The following SCFD2 variants were observed in gnomAD, a reference collection of about 807,000 sequenced individuals.
The protein encoded by SCFD2 is sec1 family domain-containing protein 2.
SCFD2 carries 54 observed loss-of-function variants against 58.9 expected under a neutral mutation model. That is an observed-to-expected ratio of 0.92 (90% CI 0.74 to 1.15). The LOEUF is 1.15. SCFD2 is among the 50% of genes most tolerant of loss of function. SCFD2 has a pLI of 0.00. For missense variants in SCFD2, 805 were observed against 836.6 expected (o/e 0.96, Z 0.47); for synonymous variants, 321 against 335.9 (o/e 0.96, Z 0.49).
intron 2 of SCFD2, among the ~76,000 whole-genome samples, chr4:53,348,383 G>C (rs1236684984): frequency 1.3e-5 from 2 of 152,070 alleles, no homozygotes; most frequent in African/African-American, 2.4e-5. Flanking sequence ...TCATTTCATT[G>C]AGAAGTTTCT....
chr4:53,112,084 G>A (rs181274933), intron 5 of SCFD2, among the ~76,000 whole-genome samples: 11 of 152,160 alleles, frequency 7.2e-5, no homozygotes, highest in Admixed American at 5.9e-4. Context: ...GAGCTAGGCC[G>A]GGAATTTTTA....
chr4:53,066,625 T>G (rs1241875969), intron 5 of SCFD2, among the ~76,000 whole-genome samples: 1 of 152,106 alleles, frequency 6.6e-6, no homozygotes, highest in Non-Finnish European at 1.5e-5. Context: ...TGAAGGCTTT[T>G]TTTAGTGATC....
chr4:53,216,919 G>A (rs1728861410), intron 4 of SCFD2, among the ~76,000 whole-genome samples: 1 of 152,192 alleles, frequency 6.6e-6, no homozygotes, highest in African/African-American at 2.4e-5. Context: ...TAGTCATTCA[G>A]GAGCAGGTTA....
intron 5 of SCFD2, among the ~76,000 whole-genome samples, chr4:52,930,646 C>T (rs1172155214): frequency 6.6e-6 from 1 of 152,116 alleles, no homozygotes; most frequent in Non-Finnish European, 1.5e-5. Flanking sequence ...CTTCTGACTG[C>T]CGTAACTGTA....
chr4:53,363,826 C>CAAAAAA (rs754101699), intron 1 of SCFD2, among the ~76,000 whole-genome samples: 2 of 107,222 alleles, frequency 1.9e-5, no homozygotes, highest in Non-Finnish European at 1.8e-5. Context: ...GACTCCGTCT[C>CAAAAAA]AAAAAAAAAA....
In SCFD2 at chr4:53,217,164, A is replaced by G. The variant is rs1356671397; in HGVS notation, c.1311+56662T>C. On this transcript the variant is annotated intron_variant, in intron 4 of 8. Coordinates refer to ENST00000401642, the MANE Select transcript of SCFD2 (RefSeq NM_152540.4). The stretch of plus-strand genomic sequence containing the variant: ...AGTTCTGTAGATTTCTATTAGGTCC[A>G]CTTGGTGCAGAGCTGAGTTCAATTC... Among the ~76,000 whole-genome samples the G allele has an allele frequency of 2.0e-5, 3 of 152,100 alleles. No homozygotes were observed. The South Asian group carries it at 6.2e-4, about 32-fold the overall frequency.
At position 53,365,473 on chromosome 4, in the gene SCFD2, G is replaced by C. The variant is rs144687608; in HGVS notation, c.469C>G (p.Pro157Ala). 6.2e-7 allele frequency: 1 copy of C among 1,614,006 alleles called. No individual in the cohort carries two copies. The highest frequency in any genetic ancestry group is 1.3e-5 in the African/African-American group (1 of 74,888). ...MNYTAEVFHV[P>A]LLLAPVAPHF... ...GGAGCAACAGGGGCAAGCAATAACG[G>C]GACATGGAACACCTCGGCCGTGTAG... Residue 157 changes from proline (P) to alanine (A), a missense_variant, in exon 1 of 9, where the codon CCG (proline) becomes GCG (alanine). By Grantham distance (27) the Pro-to-Ala change is conservative. Coordinates refer to ENST00000401642, the MANE Select transcript of SCFD2 (RefSeq NM_152540.4). The surrounding 1 kb of genome is among the most constrained non-coding windows in gnomAD (Gnocchi z 4.3).
At chr4:53,162,194 T>C (rs1288982745) in intron 4 of SCFD2, among the ~76,000 whole-genome samples, 1 of 152,080 alleles carries the variant, frequency 6.6e-6, no homozygotes, top group Non-Finnish European at 1.5e-5. Context: ...TAAGCAACAA[T>C]TTTGCAACTC....
chr4:53,176,086 GA>G (rs1727319164), intron 4 of SCFD2, among the ~76,000 whole-genome samples: 1 of 151,896 alleles, frequency 6.6e-6, no homozygotes, highest in South Asian at 2.1e-4. Context: ...TCATTCAATT[GA>G]GAAAGTGTTC....
At chr4:53,283,255 T>C (rs1259127621) in intron 3 of SCFD2, among the ~76,000 whole-genome samples, 2 of 152,218 alleles carry the variant, frequency 1.3e-5, no homozygotes, top group Admixed American at 6.5e-5. Flanking sequence ...ATCCTACATA[T>C]GCATTTTTTC....
Position 53,068,514 on chromosome 4 carries a change from T to C in SCFD2, c.1561+76819A>G, listed in dbSNP as rs556504254. ...ACTCAAAGGTAACTACAAAAATGTG[T>C]TGGTGCATACCTTTCAATACTTTTT... On this transcript the variant is annotated intron_variant, in intron 5 of 8. Coordinates refer to ENST00000401642, the MANE Select transcript of SCFD2 (RefSeq NM_152540.4). Among the ~76,000 whole-genome samples, 21 of 152,192 alleles carry C rather than the reference T, an allele frequency of 1.4e-4. No individual in the cohort carries two copies. In the East Asian group the frequency reaches 3.3e-3, roughly 24 times the overall value.
intron 5 of SCFD2, among the ~76,000 whole-genome samples, chr4:52,947,345 C>CT (rs1720457414): frequency 6.6e-6 from 1 of 152,122 alleles, no homozygotes; most frequent in African/African-American, 2.4e-5. Context: ...ACTCAGGTTC[C>CT]ATCAGGCATT....
At chr4:53,171,971 A>T (rs925023084) in intron 4 of SCFD2, among the ~76,000 whole-genome samples, 10 of 148,650 alleles carry the variant, frequency 6.7e-5, no homozygotes, top group African/African-American at 2.5e-4. Flanking sequence ...TTATTTATTT[A>T]TTTATTTTTA....
At chr4:53,053,987 T>C (rs1723255172) in intron 5 of SCFD2, among the ~76,000 whole-genome samples, 1 of 152,138 alleles carries the variant, frequency 6.6e-6, no homozygotes, top group South Asian at 2.1e-4. Flanking sequence ...CAGTAGAGTA[T>C]AATAAACTAT....
chr4:52,904,290 G>T (rs552922024), intron 7 of SCFD2, among the ~76,000 whole-genome samples: 99 of 152,310 alleles, frequency 6.5e-4, no homozygotes, highest in African/African-American at 2.3e-3. Flanking sequence ...GAAGGATTCC[G>T]CATTGATAAC....
At chr4:53,034,087 C>T (rs1722694609) in intron 5 of SCFD2, among the ~76,000 whole-genome samples, 1 of 152,168 alleles carries the variant, frequency 6.6e-6, no homozygotes, top group African/African-American at 2.4e-5. Flanking sequence ...AAACTAAACC[C>T]AGCAGCACAT....
At chr4:53,079,060 A>G (rs995512145) in intron 5 of SCFD2, among the ~76,000 whole-genome samples, 4 of 152,140 alleles carry the variant, frequency 2.6e-5, no homozygotes, top group African/African-American at 9.7e-5. Flanking sequence ...AGAGGTTGAG[A>G]GGTCCCATGA....
chr4:53,321,133 C>T (rs1036110149), intron 2 of SCFD2, among the ~76,000 whole-genome samples: 7 of 146,554 alleles, frequency 4.8e-5, no homozygotes, highest in African/African-American at 1.8e-4. Context: ...ATGACATACA[C>T]ATAATAATAA....
intron 5 of SCFD2, among the ~76,000 whole-genome samples, chr4:52,996,045 G>A (rs1188870447): frequency 1.3e-5 from 2 of 152,138 alleles, no homozygotes; most frequent in African/African-American, 2.4e-5. Context: ...TGAAATCTTG[G>A]TACTGCCTTT....
Sources: allele counts gnomAD v4.1 joint callset (sites outside exome capture counted in the v4.1 genomes callset), GRCh38; gene constraint gnomAD v4.1.1; non-coding constraint Gnocchi (gnomAD v3.1); transcripts MANE v1.5; gene names NCBI Gene and HGNC (gene_info 2026-07-23, HGNC 2026-07-21).